Variants in ABCB6 observed in about 807,000 individuals in gnomAD.
ABCB6 encodes the protein ATP binding cassette subfamily B member 6 (LAN blood group), also known as ATP-binding cassette sub-family B member 6.
Under a neutral mutation model 99.4 loss-of-function variants are expected in ABCB6, and 87 were observed. The observed-to-expected ratio is 0.88, with a 90% CI of 0.74 to 1.05. The LOEUF (loss-of-function observed/expected upper bound fraction) is 1.05. Among genes scored for constraint, ABCB6 ranks in the 50% least tolerant of loss-of-function variants. The pLI is 0.00. For synonymous variants in ABCB6, 482 were observed against 447.5 expected (o/e 1.08, Z -0.97); for missense variants, 1,050 against 1,097.9 (o/e 0.96, Z 0.62).
chr2:219,211,130 C>T (rs756096817), intron 14 of ABCB6, 22 bp from the exon 15 acceptor site: 9 of 1,613,172 alleles, frequency 5.6e-6, no homozygotes, highest in South Asian at 1.1e-5. Flanking sequence ...AGACCACACA[C>T]TCTGCCTTAT....
rs1278757554 is a variant in ABCB6 at position 219,213,361 on chromosome 2, C to G, written c.1720-35G>C. 5.6e-6 allele frequency: 9 copies of G among 1,613,930 alleles called. No homozygotes were observed. In the Admixed American group the frequency reaches 1.5e-4, roughly 27 times the overall value. ...CACCACCCATGTGTGCTGAGGTTCTCAGCTTTGTGTTTTCCAAGCACGAGA... is the reference window on the plus strand; with the variant it reads ...CACCACCCATGTGTGCTGAGGTTCTGAGCTTTGTGTTTTCCAAGCACGAGA... On this transcript the variant is annotated intron_variant, in intron 11 of 18. Transcript: ENST00000265316.
In ABCB6 at chr2:219,214,101, C is replaced by T. The variant is rs1360924445; in HGVS notation, c.1452+20G>A. 2 of 1,613,874 alleles carry T rather than the reference C, an allele frequency of 1.2e-6. No homozygotes were observed. Among genetic ancestry groups the T allele is most frequent in the Non-Finnish European group, 1.7e-6 (2 of 1,179,904 alleles). ...AGGCCAGGGCATTATTCTCCGGAGGCCTCAAACTAGCATCCTCACCTGATA... is the reference window on the plus strand; with the variant it reads ...AGGCCAGGGCATTATTCTCCGGAGGTCTCAAACTAGCATCCTCACCTGATA... On this transcript the variant is annotated intron_variant, in intron 8 of 18. Transcript: ENST00000265316.
Position 219,213,172 on chromosome 2 carries a change from A to G in ABCB6, c.1805+69T>C. 1.9e-6 allele frequency: 3 copies of G among 1,605,760 alleles called. No individual in the cohort carries two copies. In the South Asian group the frequency reaches 3.3e-5, roughly 18 times the overall value. On this transcript the variant is annotated intron_variant, in intron 12 of 18. Coordinates refer to ENST00000265316, the MANE Select transcript of ABCB6 (RefSeq NM_005689.4). ...CTCTTTTCCAAAAGCAGGGATTCAG[A>G]GCACTGAGAAGCAGGAAGGCAGTGT...
In ABCB6 at chr2:219,212,859, T is replaced by C. The variant is rs553636312; in HGVS notation, c.1863+149A>G. The stretch of plus-strand genomic sequence containing the variant: ...CTTTTGAGGTTCCCTCTCCAAGAGG[T>C]CACCAGTGTCCATGGAGGCTGCACC... On this transcript the variant is annotated intron_variant, in intron 13 of 18. Transcript: ENST00000265316. 61 of 913,702 alleles carry C rather than the reference T, an allele frequency of 6.7e-5. No homozygotes were observed. In the African/African-American group the frequency reaches 9.3e-4, roughly 14 times the overall value. The allele number at this position is 913,702 out of a possible 1,614,324, so 56.6% of individuals were successfully genotyped here. A position where few individuals can be genotyped will look rare whatever the true frequency, so the allele number is the denominator to read the frequency against.
Position 219,216,848 on chromosome 2 carries a change from A to G in ABCB6, c.688-16T>C. 6.2e-7 allele frequency: 1 copy of G among 1,602,492 alleles called. No homozygotes were observed. The highest frequency in any genetic ancestry group is 2.2e-5 in the East Asian group (1 of 44,690). On this transcript the variant is annotated splice_polypyrimidine_tract_variant and intron_variant, in intron 2 of 18. Transcript: ENST00000265316. This position sits in a 1 kb window ranked among gnomAD's most constrained non-coding sequence, Gnocchi z 4.2. The stretch of plus-strand genomic sequence containing the variant: ...CTGACCGAACCTAGGATGGTGAAAC[A>G]CGTAGGAAGGGAGCTCAGAAATCAA...
At position 219,218,447 on chromosome 2, in the gene ABCB6, T is replaced by C. The variant is rs1275954442; in HGVS notation, c.227A>G (p.Gln76Arg). The C allele has an allele frequency of 6.2e-7, 1 of 1,609,620 alleles. No homozygotes were observed. The change falls in exon 1 of 19, where the codon CAG becomes CGG. Residue 76 changes from glutamine to arginine, a missense_variant. By Grantham distance (43) the Gln-to-Arg change is conservative. Coordinates refer to ENST00000265316, the MANE Select transcript of ABCB6 (RefSeq NM_005689.4). ...CGCCTGAAGTGTGGCCAGAAGCAGC[T>C]GCAGCACGTAGGGAGAGATGCGAGG... is the stretch of plus-strand genomic sequence containing the variant. ...AGPRISPYVL[Q>R]LLLATLQAAL...
intron 13 of ABCB6, 122 bp downstream of exon 13, chr2:219,212,886 T>C: frequency 8.8e-7 from 1 of 1,131,182 alleles, no homozygotes. Flanking sequence ...GGCTGCACCA[T>C]TCAATCCGGT....
intron 2 of ABCB6, 91 bp downstream of exon 2, chr2:219,217,579 G>T: frequency 1.9e-6 from 2 of 1,077,254 alleles, no homozygotes; most frequent in South Asian, 1.5e-5. Flanking sequence ...GGGAGGTGGA[G>T]GTTGCAGTGA....
At position 219,213,856 on chromosome 2, in the gene ABCB6, G is replaced by A. The variant is rs143105148; in HGVS notation, c.1548C>T (p.Cys516=). The part of the protein sequence containing the change: ...GLGLLAGSLL[C]AYFVTEQKLQ... ...GCTTCTGCTCAGTGACAAAGTATGC[G>A]CAAAGCAGGGAGCCGGCGAGGAGCC... Residue 516 remains cysteine (C), a synonymous_variant, in exon 9 of 19, where the codon TGC becomes TGT. Transcript: ENST00000265316. 25 of 1,614,140 alleles carry A rather than the reference G, an allele frequency of 1.5e-5. No individual in the cohort carries two copies. Among genetic ancestry groups the A allele is most frequent in the South Asian group, 1.5e-4 (14 of 91,090 alleles).
chr2:219,210,840 C>T lies in ABCB6; in HGVS notation c.2144-17G>A, dbSNP rs372871124. ...TCCTGTACCCTGTGGATATTACCCA[C>T]CACACGTTTCTTACGAAACGGAGGG... is the stretch of plus-strand genomic sequence containing the variant. On this transcript the variant is annotated splice_polypyrimidine_tract_variant and intron_variant, in intron 15 of 18. Coordinates refer to ENST00000265316, the MANE Select transcript of ABCB6 (RefSeq NM_005689.4). 5.8e-5 allele frequency: 94 copies of T among 1,613,648 alleles called. No individual in the cohort carries two copies. The highest frequency in any genetic ancestry group is 7.5e-5 in the Non-Finnish European group (88 of 1,179,888).
Position 219,213,035 on chromosome 2 carries a change from A to C in ABCB6, c.1836T>G (p.Thr612=). ...GGGCAAGTGTCTGTCCAGGCATCAC[A>C]GTGAAAGACACGTCCTGCAGAGTCT... ...GRETLQDVSF[T]VMPGQTLALV... The change falls in exon 13 of 19, where the codon ACT becomes ACG. Residue 612 remains threonine (T), a synonymous_variant. Transcript: ENST00000265316. 6.2e-7 allele frequency: 1 copy of C among 1,614,046 alleles called. No homozygotes were observed. Among genetic ancestry groups the C allele is most frequent in the Non-Finnish European group, 8.5e-7 (1 of 1,179,968 alleles).
chr2:219,216,467 T>C lies in ABCB6; in HGVS notation c.869-2A>G, dbSNP rs1574816150. Reference sequence around the variant, plus strand: ...GTGCCTTCTCAGTCAGCAAGTTCACTGTGGAGGAAACGAGTCAGAACCCAC... The same window carrying C: ...GTGCCTTCTCAGTCAGCAAGTTCACCGTGGAGGAAACGAGTCAGAACCCAC... On this transcript the variant is annotated splice_acceptor_variant, in intron 3 of 18. Coordinates refer to ENST00000265316, the MANE Select transcript of ABCB6 (RefSeq NM_005689.4). LOFTEE classifies it high-confidence loss of function. The surrounding 1 kb of genome is among the most constrained non-coding windows in gnomAD (Gnocchi z 4.2). The C allele has an allele frequency of 2.5e-6, 4 of 1,613,868 alleles. No homozygotes were observed. The highest frequency in any genetic ancestry group is 2.2e-5 in the East Asian group (1 of 44,876).
In ABCB6 at chr2:219,214,119, A is replaced by C; in HGVS notation, c.1452+2T>G. 6.2e-7 allele frequency: 1 copy of C among 1,614,068 alleles called. No homozygotes were observed. On this transcript the variant is annotated splice_donor_variant, in intron 8 of 18. Coordinates refer to ENST00000265316, the MANE Select transcript of ABCB6 (RefSeq NM_005689.4). LOFTEE classifies it high-confidence loss of function. ...CCGGAGGCCTCAAACTAGCATCCTC[A>C]CCTGATATTTGATGATGGCCTCTCG... is the stretch of plus-strand genomic sequence containing the variant.
intron 12 of ABCB6, 25 bp from the exon 13 acceptor site, chr2:219,213,090 A>G (rs757414837): frequency 2.4e-5 from 39 of 1,612,918 alleles, no homozygotes; most frequent in Non-Finnish European, 3.3e-5. Context: ...GGGGTTGCTC[A>G]GCAGGCACCT....
Position 219,213,224 on chromosome 2 carries a change from C to CA in ABCB6, c.1805+16dup, listed in dbSNP as rs746605817. Reference sequence around the variant, plus strand: ...CAAATGAACGGAAAAGCAAAGGAAGCAAAAGGAAGGCCTCACCCATCGGCA... The same window carrying CA: ...CAAATGAACGGAAAAGCAAAGGAAGCAAAAAGGAAGGCCTCACCCATCGGCA... On this transcript the variant is annotated intron_variant, in intron 12 of 18. Coordinates refer to ENST00000265316, the MANE Select transcript of ABCB6 (RefSeq NM_005689.4). 1 of 1,613,946 alleles carries CA rather than the reference C, an allele frequency of 6.2e-7. No individual in the cohort carries two copies. The highest frequency in any genetic ancestry group is 2.2e-5 in the East Asian group (1 of 44,884).
At position 219,216,028 on chromosome 2, in the gene ABCB6, G is replaced by A. The variant is rs764893806; in HGVS notation, c.1123C>T (p.Arg375Trp). The change falls in exon 5 of 19, where the codon CGG becomes TGG. Residue 375 changes from arginine (R) to tryptophan (W), a missense_variant. Arg to Trp is a moderately radical substitution (Grantham distance 101). Transcript: ENST00000265316. This position sits in a 1 kb window ranked among gnomAD's most constrained non-coding sequence, Gnocchi z 4.2. ...RTGEVLRIAD[R>W]GTSSVTGLLS... The stretch of plus-strand genomic sequence containing the variant: ...AGCCCTGTGACACTGGATGTGCCCC[G>A]ATCCGCGATCCGCAGCACCTCCCCT... 1.2e-6 allele frequency: 2 copies of A among 1,600,072 alleles called. No homozygotes were observed. The highest frequency in any genetic ancestry group is 1.1e-5 in the South Asian group (1 of 90,004).
chr2:219,216,241 C>T lies in ABCB6; in HGVS notation c.971-61G>A. ...GGAGCTGAGGGACGTCAGCCCAGCA[C>T]CAGGATGTGAAAGGTCTGAGAGTAC... On this transcript the variant is annotated intron_variant, in intron 4 of 18. Coordinates refer to ENST00000265316, the MANE Select transcript of ABCB6 (RefSeq NM_005689.4). The surrounding 1 kb of genome is among the most constrained non-coding windows in gnomAD (Gnocchi z 4.2). The T allele has an allele frequency of 1.3e-6, 2 of 1,568,996 alleles. No homozygotes were observed. The highest frequency in any genetic ancestry group is 3.6e-5 in the Admixed American group (2 of 55,380).
Position 219,216,031 on chromosome 2 carries a change from C to T in ABCB6, c.1120G>A (p.Asp374Asn), listed in dbSNP as rs1195287693. The change falls in exon 5 of 19, where the codon GAT becomes AAT. Residue 374 changes from aspartate to asparagine, a missense_variant. Transcript: ENST00000265316. The surrounding 1 kb of genome is among the most constrained non-coding windows in gnomAD (Gnocchi z 4.2). ...CCTGTGACACTGGATGTGCCCCGAT[C>T]CGCGATCCGCAGCACCTCCCCTGTG... ...RRTGEVLRIADRGTSSVTGLL... is the reference protein window; with the variant it reads ...RRTGEVLRIANRGTSSVTGLL... 1.9e-6 allele frequency: 3 copies of T among 1,601,534 alleles called. No homozygotes were observed. The highest frequency in any genetic ancestry group is 2.7e-5 in the African/African-American group (2 of 74,718).
chr2:219,215,109 A>G (rs1950623564), intron 5 of ABCB6, 27 bp from the exon 6 acceptor site: 3 of 1,613,724 alleles, frequency 1.9e-6, no homozygotes, highest in Admixed American at 3.3e-5. Flanking sequence ...AGTGAATAAG[A>G]AAGGTCTGGG....
Sources: gnomAD v4.1 joint callset for allele counts on GRCh38, gnomAD v4.1.1 for gene constraint, Gnocchi (gnomAD v3.1) non-coding constraint, MANE v1.5 for transcripts, NCBI Gene and HGNC (gene_info 2026-07-23, HGNC 2026-07-21) for gene names.